TRIM49B: variants seen among roughly 807,000 people sequenced by gnomAD.
TRIM49B encodes the protein tripartite motif containing 49B.
TRIM49B carries 18 observed loss-of-function variants against 31.8 expected under a neutral mutation model. That is an observed-to-expected ratio of 0.57 (90% confidence interval 0.39 to 0.84). The LOEUF is 0.84. Among genes scored for constraint, TRIM49B ranks in the 40% least tolerant of loss-of-function variants. The pLI is 0.00. For missense variants in TRIM49B, 494 were observed against 538.7 expected (o/e 0.92, Z 0.82); for synonymous variants, 196 against 180.6 (o/e 1.09, Z -0.68).
At chr11:49,035,639 T>C (rs1487885930) in intron 5 of TRIM49B, among the ~76,000 whole-genome samples, 1 of 152,026 alleles carries the variant, frequency 6.6e-6, no homozygotes, top group Non-Finnish European at 1.5e-5. Flanking sequence ...ATTACAGGCG[T>C]GAACCACCGC....
chr11:49,037,377 A>G, intron 6 of TRIM49B, 101 bp from the exon 7 acceptor site: 2 of 1,456,056 alleles, frequency 1.4e-6, no homozygotes, highest in South Asian at 3.0e-5. Flanking sequence ...TTACAAGCAA[A>G]ACTTTTTATG....
intron 1 of TRIM49B, among the ~76,000 whole-genome samples, chr11:49,030,412 A>G (rs1031866990): frequency 6.6e-6 from 1 of 152,192 alleles, no homozygotes; most frequent in Non-Finnish European, 1.5e-5. Flanking sequence ...CAAGCTATAC[A>G]TGATTCTACA....
Position 49,031,007 on chromosome 11 carries a change from T to A in TRIM49B, c.-4-589T>A, listed in dbSNP as rs572660359. On this transcript the variant is annotated intron_variant, in intron 1 of 6. Transcript: ENST00000332682. ...TATTTGGTTGGTGGGCTTTTTTTTTTAATTTTGTTTTGATTTGGGTCTTTG... is the reference window on the plus strand; with the variant it reads ...TATTTGGTTGGTGGGCTTTTTTTTTAAATTTTGTTTTGATTTGGGTCTTTG... Among the ~76,000 whole-genome samples the A allele has an allele frequency of 1.1e-4, 17 of 151,538 alleles. 1 individual carries two copies. Among genetic ancestry groups the A allele is most frequent in the Admixed American group, 7.2e-4 (11 of 15,202 alleles).
rs769945082 is a variant in TRIM49B at position 49,032,351 on chromosome 11, A to C, written c.487A>C (p.Thr163Pro). The part of the protein sequence containing the change: ...ENHRNLNVET[T>P]RTRCWKDYVN... ...TCACAGAAACCTGAATGTGGAAACC[A>C]CCAGAACCAGATGCTGGAAGGTTAG... is the stretch of plus-strand genomic sequence containing the variant. Residue 163 changes from threonine to proline, a missense_variant, in exon 3 of 7, where the codon ACC becomes CCC. By Grantham distance (38) the Thr-to-Pro change is conservative. Coordinates refer to ENST00000332682, the MANE Select transcript of TRIM49B (RefSeq NM_001206626.2). 1.2e-5 allele frequency: 19 copies of C among 1,613,316 alleles called. No homozygotes were observed. In the South Asian group the frequency reaches 2.1e-4, roughly 18 times the overall value.
rs145589601 is a variant in TRIM49B at position 49,031,350 on chromosome 11, G to A, written c.-4-246G>A. Among the ~76,000 whole-genome samples the A allele has an allele frequency of 6.1e-3, 923 of 152,208 alleles. 14 individuals carry two copies. Among genetic ancestry groups the A allele is most frequent in the African/African-American group, 0.021 (873 of 41,508 alleles). On this transcript the variant is annotated intron_variant, in intron 1 of 6. Coordinates refer to ENST00000332682, the MANE Select transcript of TRIM49B (RefSeq NM_001206626.2). ...AGAAAATGGGTAGTTGAATAGGTTCGTATTATGCTACAGACAGGAACTAGG... is the reference window on the plus strand; with the variant it reads ...AGAAAATGGGTAGTTGAATAGGTTCATATTATGCTACAGACAGGAACTAGG...
intron 1 of TRIM49B, among the ~76,000 whole-genome samples, chr11:49,029,510 A>G (rs1000137948): frequency 6.6e-6 from 1 of 152,236 alleles, no homozygotes; most frequent in Non-Finnish European, 1.5e-5. Context: ...TGTGATTGTG[A>G]TTGTCATCTC....
chr11:49,030,839 C>T (rs1459905406), intron 1 of TRIM49B, among the ~76,000 whole-genome samples: 9 of 152,116 alleles, frequency 5.9e-5, no homozygotes, highest in Non-Finnish European at 1.2e-4. Flanking sequence ...ACAAAAACCT[C>T]CTATATGTTA....
intron 5 of TRIM49B, among the ~76,000 whole-genome samples, chr11:49,035,610 A>G (rs1312514589): frequency 6.6e-6 from 1 of 151,920 alleles, no homozygotes; most frequent in Admixed American, 6.6e-5. Flanking sequence ...CGCCCGCCTC[A>G]GCCTCCCAAA....
At chr11:49,037,213 A>T (rs1186986239) in intron 6 of TRIM49B, among the ~76,000 whole-genome samples, 1 of 152,224 alleles carries the variant, frequency 6.6e-6, no homozygotes, top group Non-Finnish European at 1.5e-5. Context: ...TTTAGGGCAT[A>T]CAATGTATAA....
At chr11:49,037,293 A>G (rs1307474453) in intron 6 of TRIM49B, among the ~76,000 whole-genome samples, 185 bp from the exon 7 acceptor site, 1 of 152,214 alleles carries the variant, frequency 6.6e-6, no homozygotes, top group Non-Finnish European at 1.5e-5. Context: ...AGTTTTCAAA[A>G]AAACATAATA....
chr11:49,036,285 A>G lies in TRIM49B; in HGVS notation c.762-16A>G, dbSNP rs764428836. On this transcript the variant is annotated splice_polypyrimidine_tract_variant and intron_variant, in intron 5 of 6. Transcript: ENST00000332682. ...TTATGGCTGTAGATGTTGTAACTGC[A>G]GGTTTTTCCTTGCAGGAGTGAGTCC... 531 of 1,553,298 alleles carry G rather than the reference A, an allele frequency of 3.4e-4. No individual in the cohort carries two copies. Among genetic ancestry groups the G allele is most frequent in the Non-Finnish European group, 4.2e-4 (484 of 1,141,618 alleles).
In TRIM49B at chr11:49,037,664, A is replaced by G. The variant is rs563821034; in HGVS notation, c.1046A>G (p.Asp349Gly). ...TATTACTGGGAGGTCCATGTAGGGG[A>G]CTCCTGGAATTGGGCTTTTGGTGTC... ...GKYYWEVHVGDSWNWAFGVCN... is the reference protein window; with the variant it reads ...GKYYWEVHVGGSWNWAFGVCN... The change falls in exon 7 of 7, where the codon GAC becomes GGC. Residue 349 changes from aspartate to glycine, a missense_variant. By Grantham distance (94) the Asp-to-Gly change is moderately conservative. Coordinates refer to ENST00000332682, the MANE Select transcript of TRIM49B (RefSeq NM_001206626.2). The G allele has an allele frequency of 1.2e-6, 2 of 1,613,726 alleles. No individual in the cohort carries two copies. Among genetic ancestry groups the G allele is most frequent in the African/African-American group, 1.3e-5 (1 of 74,972 alleles).
In TRIM49B at chr11:49,036,352, T is replaced by G. The variant is rs2134701728; in HGVS notation, c.813T>G (p.Ser271Arg). The G allele has an allele frequency of 1.3e-6, 2 of 1,578,272 alleles. No individual in the cohort carries two copies. The highest frequency in any genetic ancestry group is 1.7e-6 in the Non-Finnish European group (2 of 1,162,970). Residue 271 changes from serine to arginine, a missense_variant, in exon 6 of 7, where the codon AGT becomes AGG. Transcript: ENST00000332682. ...CCCAGCCTCTGAATCCAGAGCTCAG[T>G]GCAGGGCCCATCACTGGACTGAGGG... ...HMPQPLNPEL[S>R]AGPITGLRDR...
intron 5 of TRIM49B, 116 bp downstream of exon 5, chr11:49,035,233 A>G: frequency 6.5e-7 from 1 of 1,526,748 alleles, no homozygotes; most frequent in Non-Finnish European, 8.8e-7. Context: ...TATTGATACC[A>G]CTTTTTTTTT....
rs776272507 is a variant in TRIM49B, at chr11:49,031,819, G to A, written c.220G>A (p.Ala74Thr). 2 of 1,613,838 alleles carry A rather than the reference G, an allele frequency of 1.2e-6. No individual in the cohort carries two copies. Among genetic ancestry groups the A allele is most frequent in the Non-Finnish European group, 1.7e-6 (2 of 1,179,874 alleles). The change falls in exon 2 of 7, where the codon GCT becomes ACT. Residue 74 changes from alanine to threonine, a missense_variant. Physicochemically the swap from Ala to Thr is moderately conservative, Grantham distance 58 (BLOSUM62 0). Coordinates refer to ENST00000332682, the MANE Select transcript of TRIM49B (RefSeq NM_001206626.2). ...LKTNIHFKKM[A>T]SLARKVSLWL... Reference sequence around the variant, plus strand: ...AACCAACATTCATTTCAAGAAGATGGCTTCTCTTGCTAGAAAAGTCAGTCT... The same window carrying A: ...AACCAACATTCATTTCAAGAAGATGACTTCTCTTGCTAGAAAAGTCAGTCT...
At chr11:49,029,901 T>C (rs1290777670) in intron 1 of TRIM49B, among the ~76,000 whole-genome samples, 1 of 152,178 alleles carries the variant, frequency 6.6e-6, no homozygotes, top group Non-Finnish European at 1.5e-5. Context: ...TGTGTTACAG[T>C]TGCCTACAGT....
In TRIM49B at chr11:49,036,318, T is replaced by C. The variant is rs1426274521; in HGVS notation, c.779T>C (p.Leu260Pro). The C allele has an allele frequency of 2.6e-6, 4 of 1,555,690 alleles. No homozygotes were observed. In the South Asian group the frequency reaches 3.5e-5, roughly 14 times the overall value. The part of the protein sequence containing the change: ...DILHRSESVL[L>P]HMPQPLNPEL... ...CCTTGCAGGAGTGAGTCCGTGCTGC[T>C]GCACATGCCCCAGCCTCTGAATCCA... is the stretch of plus-strand genomic sequence containing the variant. Residue 260 changes from leucine (L) to proline (P), a missense_variant, in exon 6 of 7, where the codon CTG becomes CCG. By Grantham distance (98) the Leu-to-Pro change is moderately conservative (BLOSUM62 -3). Around this residue, in one of 3 missense-constraint regions of TRIM49B, gnomAD observed 233 missense variants for 281.4 expected, o/e 0.83. Coordinates refer to ENST00000332682, the MANE Select transcript of TRIM49B (RefSeq NM_001206626.2).
chr11:49,034,623 A>G (rs539725728), intron 4 of TRIM49B, among the ~76,000 whole-genome samples: 9 of 152,146 alleles, frequency 5.9e-5, no homozygotes, highest in African/African-American at 2.2e-4. Context: ...GCCCCAAGAA[A>G]TATTCCCCAT....
intron 1 of TRIM49B, among the ~76,000 whole-genome samples, chr11:49,029,776 G>A (rs577518064): frequency 7.3e-4 from 111 of 152,218 alleles, no homozygotes; most frequent in Middle Eastern, 6.8e-3. Context: ...TACATTTATC[G>A]GCCATTTGAG....
Sources: allele counts gnomAD v4.1 joint callset (sites outside exome capture counted in the v4.1 genomes callset), GRCh38; gene constraint gnomAD v4.1.1; regional missense constraint gnomAD v4.1.1; transcripts MANE v1.5; gene names NCBI Gene and HGNC (gene_info 2026-07-23, HGNC 2026-07-21).